WIF1: variants seen among roughly 807,000 people sequenced by gnomAD.
The protein encoded by WIF1 is Wnt inhibitory factor 1.
Under a neutral mutation model 53.5 loss-of-function variants are expected in WIF1, and 35 were observed. That is an observed-to-expected ratio of 0.65 (90% confidence interval 0.50 to 0.87). The LOEUF (loss-of-function observed/expected upper bound fraction) is 0.87, where lower values mean the gene tolerates loss of function less well. Ranked by LOEUF, WIF1 falls within the 40% of genes least tolerant of loss-of-function variation. WIF1 has a pLI of 0.00. For missense variants in WIF1, 467 were observed against 476.8 expected (o/e 0.98, Z 0.19); for synonymous variants, 171 against 170.4 (o/e 1.00, Z -0.03).
chr12:65,078,404 T>C (rs1882897422), intron 2 of WIF1, among the ~76,000 whole-genome samples: 1 of 152,130 alleles, frequency 6.6e-6, no homozygotes, highest in South Asian at 2.1e-4. Context: ...TAAATGATAT[T>C]AATTGCTGTC....
chr12:65,056,366 CTTTTTTTTTTTTTTTTTT>C (rs10584146), intron 7 of WIF1, among the ~76,000 whole-genome samples: 18 of 24,264 alleles, frequency 7.4e-4, no homozygotes, highest in African/African-American at 8.4e-4. Context: ...CATTTATATC[CTTTTTTTTTTTTTTTTTT>C]TTTTTTTTTT....
intron 2 of WIF1, among the ~76,000 whole-genome samples, chr12:65,085,631 G>A (rs867501072): frequency 4.6e-5 from 7 of 152,294 alleles, no homozygotes; most frequent in Admixed American, 2.0e-4. Context: ...TTAAACAGGC[G>A]ATAGAAGAAA....
In WIF1 at chr12:65,051,156, T is replaced by C; in HGVS notation, c.*193A>G. On this transcript the variant is annotated 3_prime_UTR_variant, in exon 10 of 10. Transcript: ENST00000286574. The stretch of plus-strand genomic sequence containing the variant: ...CAAAGCACTGAAACAAGAAAATCTA[T>C]ACCATCATGCTACAGACGTACTTAG... 1 of 584,240 alleles carries C rather than the reference T, an allele frequency of 1.7e-6. No individual in the cohort carries two copies. The highest frequency in any genetic ancestry group is 2.6e-6 in the Non-Finnish European group (1 of 380,720). The allele number at this position is 584,240 out of a possible 1,614,324, so 36.2% of individuals were successfully genotyped here. A position where few individuals can be genotyped will look rare whatever the true frequency, so the allele number is the denominator to read the frequency against.
At chr12:65,070,963 C>G (rs58309131) in intron 3 of WIF1, among the ~76,000 whole-genome samples, 37 of 151,974 alleles carry the variant, frequency 2.4e-4, no homozygotes, top group African/African-American at 7.7e-4. Context: ...ATTTACAAAT[C>G]ACAGGCTCAC....
chr12:65,094,543 G>T (rs1475507690), intron 2 of WIF1, among the ~76,000 whole-genome samples: 5 of 151,942 alleles, frequency 3.3e-5, no homozygotes, highest in Non-Finnish European at 5.9e-5. Context: ...CCTTCGCTTT[G>T]GGAGGAAGGG....
intron 2 of WIF1, among the ~76,000 whole-genome samples, chr12:65,111,046 C>T (rs1399588072): frequency 2.6e-5 from 4 of 152,032 alleles, no homozygotes; most frequent in Non-Finnish European, 5.9e-5. Context: ...GTGCAAAGGC[C>T]CTGAGGCAGG....
At chr12:65,065,274 A>C (rs1035135431) in intron 6 of WIF1, among the ~76,000 whole-genome samples, 1 of 152,164 alleles carries the variant, frequency 6.6e-6, no homozygotes, top group African/African-American at 2.4e-5. Flanking sequence ...CATGGTCCAC[A>C]GAGAGATCAA....
chr12:65,103,996 T>C (rs1038285827), intron 2 of WIF1, among the ~76,000 whole-genome samples: 6 of 152,012 alleles, frequency 3.9e-5, no homozygotes, highest in African/African-American at 1.2e-4. Context: ...GCTCAGGAGG[T>C]TGGGGCTGCA....
chr12:65,051,819 G>A (rs531635903), intron 9 of WIF1, among the ~76,000 whole-genome samples: 13 of 152,298 alleles, frequency 8.5e-5, no homozygotes, highest in South Asian at 4.1e-4. Flanking sequence ...AGATTTGGTC[G>A]TTGATCCTTT....
intron 2 of WIF1, among the ~76,000 whole-genome samples, chr12:65,100,718 G>GT (rs1284519681): frequency 1.3e-4 from 19 of 151,974 alleles, no homozygotes; most frequent in African/African-American, 4.6e-4. Context: ...GAAACAGAAT[G>GT]TTAAATAAAC....
intron 2 of WIF1, among the ~76,000 whole-genome samples, chr12:65,107,735 AC>A (rs1883371914): frequency 6.6e-6 from 1 of 152,220 alleles, no homozygotes; most frequent in African/African-American, 2.4e-5. Context: ...GCCCTTGGAA[AC>A]AAGGCATCCT....
At chr12:65,072,422 A>T (rs1275516117) in intron 3 of WIF1, among the ~76,000 whole-genome samples, 2 of 152,166 alleles carry the variant, frequency 1.3e-5, no homozygotes, top group East Asian at 3.8e-4. Context: ...TGGTGTAGTG[A>T]TTTAATTATG....
At chr12:65,089,478 A>G (rs888417956) in intron 2 of WIF1, among the ~76,000 whole-genome samples, 1 of 152,128 alleles carries the variant, frequency 6.6e-6, no homozygotes, top group African/African-American at 2.4e-5. Context: ...TTAAATGCCA[A>G]CTGGAATATA....
At chr12:65,065,708 C>T (rs1882677881) in intron 6 of WIF1, among the ~76,000 whole-genome samples, 1 of 152,124 alleles carries the variant, frequency 6.6e-6, no homozygotes, top group Admixed American at 6.6e-5. Context: ...ACAAAAAATG[C>T]TCTATTCATA....
chr12:65,118,040 A>G (rs1305053046), intron 2 of WIF1, among the ~76,000 whole-genome samples: 1 of 152,190 alleles, frequency 6.6e-6, no homozygotes, highest in Non-Finnish European at 1.5e-5. Context: ...AGTAAATAAC[A>G]CCTTACTGCT....
intron 2 of WIF1, chr12:65,083,829 C>CTCTTTTCTTT (rs71096022): frequency 0.029 from 7,256 of 251,426 alleles, 564 homozygotes; most frequent in African/African-American, 0.11. Flanking sequence ...CTCCTCTTTT[C>CTCTTTTCTTT]TCTTTTCTTT....
chr12:65,079,492 A>G (rs1429147090), intron 2 of WIF1, among the ~76,000 whole-genome samples: 1 of 152,106 alleles, frequency 6.6e-6, no homozygotes, highest in African/African-American at 2.4e-5. Context: ...TGTTATTATT[A>G]TCATCAATAT....
intron 2 of WIF1, among the ~76,000 whole-genome samples, chr12:65,091,383 A>G (rs934379971): frequency 1.3e-5 from 2 of 149,348 alleles, no homozygotes; most frequent in Non-Finnish European, 3.0e-5. Context: ...TCCCAGTATT[A>G]TACAAGGAAA....
intron 9 of WIF1, among the ~76,000 whole-genome samples, 196 bp downstream of exon 9, chr12:65,054,922 G>A (rs1882500384): frequency 6.6e-6 from 1 of 152,222 alleles, no homozygotes; most frequent in Admixed American, 6.5e-5. Context: ...GTTTAAAGAG[G>A]TGGAGAAGTA....
Sources: allele counts gnomAD v4.1 joint callset (sites outside exome capture counted in the v4.1 genomes callset), GRCh38; gene constraint gnomAD v4.1.1; transcripts MANE v1.5; gene names NCBI Gene and HGNC (gene_info 2026-07-23, HGNC 2026-07-21).